The following HTT variants were observed in gnomAD, a reference collection of about 807,000 sequenced individuals.
HTT encodes huntingtin.
HTT carries 104 observed loss-of-function variants against 362.3 expected under a neutral mutation model. The observed-to-expected ratio is 0.29, with a 90% CI of 0.24 to 0.34. The LOEUF (loss-of-function observed/expected upper bound fraction) is 0.34. Ranked by LOEUF, HTT falls within the 10% of genes least tolerant of loss-of-function variation. The probability of loss-of-function intolerance (pLI) is 1.00; values close to 1 mark genes in which losing one functional copy is unlikely to be tolerated. For synonymous variants in HTT, 1,577 were observed against 1,548.7 expected (o/e 1.02, Z -0.43); for missense variants, 3,301 against 3,928.6 (o/e 0.84, Z 4.27).
At chr4:3,190,503 G>A (rs1396020130) in intron 40 of HTT, among the ~76,000 whole-genome samples, 1 of 152,054 alleles carries the variant, frequency 6.6e-6, no homozygotes, top group Non-Finnish European at 1.5e-5. Context: ...TTGGGAGGCT[G>A]AGGCGGGGTG....
At chr4:3,127,979 A>G (rs180761014) in intron 12 of HTT, among the ~76,000 whole-genome samples, 26 of 152,088 alleles carry the variant, frequency 1.7e-4, no homozygotes, top group Admixed American at 1.5e-3. Flanking sequence ...AAATAAAAAA[A>G]TAAAGTGCAG....
In HTT at chr4:3,230,031, G is replaced by A. The variant is rs367721569; in HGVS notation, c.8254G>A (p.Val2752Ile). 15 of 1,613,812 alleles carry A rather than the reference G, an allele frequency of 9.3e-6. No individual in the cohort carries two copies. The highest frequency in any genetic ancestry group is 8.0e-5 in the African/African-American group (6 of 74,930). Reference sequence around the variant, plus strand: ...GCCTGCCACCTGCAAGGCAGCTGCCGTCCTTGGGATGGTAAGTGACAGGTG... The same window carrying A: ...GCCTGCCACCTGCAAGGCAGCTGCCATCCTTGGGATGGTAAGTGACAGGTG... ...LVPATCKAAA[V>I]LGMDKAVAEP... Residue 2752 changes from valine to isoleucine, a missense_variant, in exon 60 of 67, where the codon GTC (valine) becomes ATC (isoleucine). Transcript: ENST00000355072.
At chr4:3,078,578 TG>T (rs1712690787) in intron 1 of HTT, among the ~76,000 whole-genome samples, 2 of 152,284 alleles carry the variant, frequency 1.3e-5, no homozygotes, top group South Asian at 4.1e-4. Context: ...TGTTTTGTTT[TG>T]TTTTTTTTGA....
chr4:3,134,487 C>G lies in HTT; in HGVS notation c.2580C>G (p.Ser860=). 1 of 1,614,036 alleles carries G rather than the reference C, an allele frequency of 6.2e-7. No homozygotes were observed. Among genetic ancestry groups the G allele is most frequent in the East Asian group, 2.2e-5 (1 of 44,876 alleles). Residue 860 remains serine (S), a synonymous_variant, in exon 19 of 67, where the codon TCC becomes TCG. Coordinates refer to ENST00000355072, the MANE Select transcript of HTT (RefSeq NM_001388492.1). ...ATGTGCTGACTCTGAGGAACAGTTC[C>G]TATTGGCTGGTGAGGACAGAGCTTC... ...IIDVLTLRNS[S]YWLVRTELLE... is the part of the protein sequence containing the mutation.
intron 41 of HTT, among the ~76,000 whole-genome samples, chr4:3,203,477 A>C (rs1278600283): frequency 6.6e-6 from 1 of 152,220 alleles, no homozygotes. Context: ...AAAAACAATA[A>C]AGTGAGAAGT....
intron 2 of HTT, among the ~76,000 whole-genome samples, chr4:3,094,113 A>C (rs1713684109): frequency 6.6e-6 from 1 of 151,592 alleles, no homozygotes; most frequent in African/African-American, 2.4e-5. Flanking sequence ...GGGAGTGGTG[A>C]TGACTCTTAA....
rs1720606011 is a variant in HTT at position 3,220,112 on chromosome 4, T to G, written c.7243-70T>G. The G allele has an allele frequency of 2.5e-6, 4 of 1,576,636 alleles. 1 individual carries two copies. Among genetic ancestry groups the G allele is most frequent in the Non-Finnish European group, 2.6e-6 (3 of 1,149,058 alleles). On this transcript the variant is annotated intron_variant, in intron 52 of 66. Transcript: ENST00000355072. ...GGAGCCCAGTGGAGAGAAGTCGGGC[T>G]TCCTGCTTCCTCACAGTATGTCTGT...
rs1003050133 is a variant in HTT, at chr4:3,148,094, C to T, written c.3385C>T (p.Leu1129=). 15 of 1,614,026 alleles carry T rather than the reference C, an allele frequency of 9.3e-6. No individual in the cohort carries two copies. The highest frequency in any genetic ancestry group is 1.3e-5 in the Non-Finnish European group (15 of 1,180,030). Residue 1129 remains leucine (L), a synonymous_variant, in exon 26 of 67, where the codon CTG becomes TTG. Coordinates refer to ENST00000355072, the MANE Select transcript of HTT (RefSeq NM_001388492.1). ...CAAGCAAGAGGAGGTCTGGCCAGCC[C>T]TGGGGGACCGGGCCCTGGTGCCCAT... ...ATKQEEVWPA[L]GDRALVPMVE... is the part of the protein sequence containing the mutation.
intron 40 of HTT, among the ~76,000 whole-genome samples, chr4:3,191,590 A>G (rs1271777937): frequency 1.3e-5 from 2 of 152,226 alleles, no homozygotes; most frequent in Non-Finnish European, 2.9e-5. Context: ...AGGAAAACTA[A>G]CCAAGTTAAT....
chr4:3,145,075 A>G (rs996080233), intron 23 of HTT, 77 bp from the exon 24 acceptor site: 8 of 1,073,526 alleles, frequency 7.5e-6, no homozygotes, highest in South Asian at 1.3e-5. Context: ...TGTACTTTTT[A>G]TAAAGGGTAA....
intron 2 of HTT, among the ~76,000 whole-genome samples, chr4:3,098,498 G>A (rs1321132569): frequency 2.0e-5 from 3 of 152,218 alleles, no homozygotes; most frequent in Non-Finnish European, 4.4e-5. Context: ...ACATCCTTGT[G>A]TTACTGGTTT....
At chr4:3,083,530 T>TATATATACACAC (rs1165543364) in intron 1 of HTT, among the ~76,000 whole-genome samples, 27 of 125,218 alleles carry the variant, frequency 2.2e-4, no homozygotes, top group East Asian at 7.9e-4. Flanking sequence ...TCTCTAAATA[T>TATATATACACAC]ACACACACAC....
At chr4:3,170,368 A>T (rs1470769489) in intron 29 of HTT, among the ~76,000 whole-genome samples, 1 of 152,026 alleles carries the variant, frequency 6.6e-6, no homozygotes, top group African/African-American at 2.4e-5. Flanking sequence ...GACCATCCTG[A>T]GTACTCTACC....
At chr4:3,219,935 G>T (rs992279445) in intron 52 of HTT, among the ~76,000 whole-genome samples, 2 of 151,900 alleles carry the variant, frequency 1.3e-5, no homozygotes, top group South Asian at 4.1e-4. Context: ...TGAGTGGGGT[G>T]TGCCAGCAGC....
At chr4:3,157,305 TATG>T in intron 28 of HTT, 106 bp downstream of exon 28, 1 of 1,074,824 alleles carries the variant, frequency 9.3e-7, no homozygotes, top group Non-Finnish European at 1.4e-6. Context: ...CCCTTTGAGA[TATG>T]AGTTACATTT....
chr4:3,219,643 A>C (rs1720585273), intron 52 of HTT, among the ~76,000 whole-genome samples: 1 of 152,168 alleles, frequency 6.6e-6, no homozygotes, highest in Admixed American at 6.5e-5. Flanking sequence ...AAGGCATGTA[A>C]GCTGAGCTGG....
At chr4:3,185,902 A>G (rs1459503977) in intron 37 of HTT, among the ~76,000 whole-genome samples, 1 of 152,028 alleles carries the variant, frequency 6.6e-6, no homozygotes, top group Non-Finnish European at 1.5e-5. Flanking sequence ...AGAGAGAGAA[A>G]GAAGAGAGAG....
At chr4:3,163,095 G>A (rs531535231) in intron 29 of HTT, among the ~76,000 whole-genome samples, 63 of 152,292 alleles carry the variant, frequency 4.1e-4, no homozygotes, top group African/African-American at 1.4e-3. Flanking sequence ...GTTGAGATAC[G>A]TTCCATCGAT....
At chr4:3,226,482 T>A (rs907604430) in intron 57 of HTT, among the ~76,000 whole-genome samples, 2 of 151,882 alleles carry the variant, frequency 1.3e-5, no homozygotes, top group Non-Finnish European at 2.9e-5. Flanking sequence ...TAAAAAAAAA[T>A]GTAAACAGAA....
Sources: gnomAD v4.1 joint callset for allele counts (sites outside exome capture counted in the v4.1 genomes callset) on GRCh38, gnomAD v4.1.1 for gene constraint, MANE v1.5 for transcripts, NCBI Gene and HGNC (gene_info 2026-07-23, HGNC 2026-07-21) for gene names.